The following SVIL variants were observed in gnomAD, a reference collection of about 807,000 sequenced individuals.
SVIL encodes the protein archvillin.
SVIL carries 101 observed loss-of-function variants against 240.4 expected under a neutral mutation model. The ratio of observed to expected loss-of-function variants is 0.42; its 90% CI spans 0.36 to 0.50. The LOEUF is 0.50. SVIL is among the 20% of genes least tolerant of loss of function. SVIL has a pLI of 0.01. For missense variants in SVIL, 2,512 were observed against 2,818.7 expected (o/e 0.89, Z 2.46); for synonymous variants, 999 against 1,100.0 (o/e 0.91, Z 1.82).
At chr10:29,493,075 G>T in intron 21 of SVIL, 139 bp downstream of exon 21, 1 of 1,056,324 alleles carries the variant, frequency 9.5e-7, no homozygotes, top group South Asian at 1.7e-5. Flanking sequence ...CCTTGCCCTG[G>T]CTCTAGAATA....
intron 3 of SVIL, among the ~76,000 whole-genome samples, chr10:29,641,335 C>A (rs572430530): frequency 6.6e-6 from 1 of 152,026 alleles, no homozygotes; most frequent in Non-Finnish European, 1.5e-5. Context: ...CTTTGGAAGG[C>A]GGAGGTGGGA....
At chr10:29,623,004 C>T (rs1357121797) in intron 1 of SVIL, among the ~76,000 whole-genome samples, 1 of 152,068 alleles carries the variant, frequency 6.6e-6, no homozygotes, top group Non-Finnish European at 1.5e-5. Context: ...AAACTGTATC[C>T]AGTGTGTGTG....
At chr10:29,663,758 G>A (rs1959184401) in intron 2 of SVIL, among the ~76,000 whole-genome samples, 1 of 152,170 alleles carries the variant, frequency 6.6e-6, no homozygotes, top group Non-Finnish European at 1.5e-5. Flanking sequence ...GTGTTTCATG[G>A]GCATGAGCCC....
chr10:29,538,375 A>C (rs1006000675), intron 6 of SVIL, among the ~76,000 whole-genome samples: 1 of 152,228 alleles, frequency 6.6e-6, no homozygotes, highest in African/African-American at 2.4e-5. Context: ...CCAGCCAAAA[A>C]CCAAAGGACT....
At chr10:29,522,748 G>A in intron 15 of SVIL, 113 bp from the exon 16 acceptor site, 1 of 1,195,376 alleles carries the variant, frequency 8.4e-7, no homozygotes, top group East Asian at 2.6e-5. Flanking sequence ...CACGGCGGGT[G>A]ACCCAATCCA....
At chr10:29,646,101 A>T (rs1958645734) in intron 3 of SVIL, among the ~76,000 whole-genome samples, 1 of 152,174 alleles carries the variant, frequency 6.6e-6, no homozygotes. Flanking sequence ...AGGATATATT[A>T]AGTGCTCGAT....
chr10:29,559,781 G>A (rs1040629567), intron 3 of SVIL, among the ~76,000 whole-genome samples: 2 of 152,138 alleles, frequency 1.3e-5, no homozygotes, highest in South Asian at 4.1e-4. Context: ...TATTTCTGAT[G>A]GGAGCTGGAG....
At chr10:29,723,375 G>C (rs1214512379) in intron 1 of SVIL, among the ~76,000 whole-genome samples, 1 of 152,198 alleles carries the variant, frequency 6.6e-6, no homozygotes, top group Non-Finnish European at 1.5e-5. Flanking sequence ...GTGAGATCCT[G>C]TCTCAAAAAC....
In SVIL at chr10:29,462,380, G is replaced by T; in HGVS notation, c.6299C>A (p.Ala2100Asp). ...YCKGKNLKKP[A>D]PKSYLIHAGL... Reference sequence around the variant, plus strand: ...AGCGTGGATAAGGTAAGACTTGGGGGCTGGTTTCTTGAGATTTTTTCCTGT... The same window carrying T: ...AGCGTGGATAAGGTAAGACTTGGGGTCTGGTTTCTTGAGATTTTTTCCTGT... Residue 2100 changes from alanine to aspartate, a missense_variant, in exon 36 of 38, where the codon GCC becomes GAC. By Grantham distance (126) the Ala-to-Asp change is moderately radical. Coordinates refer to ENST00000355867, the MANE Select transcript of SVIL (RefSeq NM_021738.3). 1 of 1,614,126 alleles carries T rather than the reference G, an allele frequency of 6.2e-7. No homozygotes were observed. The highest frequency in any genetic ancestry group is 1.1e-5 in the South Asian group (1 of 91,068).
intron 2 of SVIL, among the ~76,000 whole-genome samples, chr10:29,564,075 A>C (rs920218349): frequency 5.3e-4 from 80 of 151,432 alleles, no homozygotes; most frequent in Admixed American, 1.8e-3. Flanking sequence ...GGCCCTCCAC[A>C]CGGCCCTGCA....
At chr10:29,494,275 C>T (rs140728857) in intron 20 of SVIL, among the ~76,000 whole-genome samples, 157 of 152,270 alleles carry the variant, frequency 1.0e-3, no homozygotes, top group African/African-American at 3.5e-3. Context: ...GTAATAAATG[C>T]GTTGCTGACT....
At chr10:29,711,414 C>G (rs556216293) in intron 1 of SVIL, among the ~76,000 whole-genome samples, 37 of 143,158 alleles carry the variant, frequency 2.6e-4, no homozygotes, top group South Asian at 8.6e-4. Context: ...AATAAATAAA[C>G]CTCAAGGGAA....
chr10:29,535,906 G>C, intron 7 of SVIL, 83 bp downstream of exon 7: 1 of 1,376,956 alleles, frequency 7.3e-7, no homozygotes, highest in Non-Finnish European at 1.0e-6. Context: ...GGCAAGAGGA[G>C]AGTGGGTGTT....
rs1467967189 is a variant in SVIL, at chr10:29,532,689, A to G, written c.1678T>C (p.Leu560=). 6.2e-7 allele frequency: 1 copy of G among 1,614,126 alleles called. No homozygotes were observed. The highest frequency in any genetic ancestry group is 1.1e-5 in the South Asian group (1 of 91,082). ...CTGGAAGCTGGGTCCTTATACTTCA[A>G]GGCCTGGAGCTGAGGGGGGCCTGTG... ...DFTGPPQLQA[L]KYKDPASRRE... Residue 560 remains leucine, a synonymous_variant, in exon 8 of 38, where the codon TTG becomes CTG. Transcript: ENST00000355867.
intron 33 of SVIL, among the ~76,000 whole-genome samples, chr10:29,466,600 A>T (rs1479300440): frequency 6.6e-6 from 1 of 152,222 alleles, no homozygotes; most frequent in Non-Finnish European, 1.5e-5. Flanking sequence ...AGAAATAAGA[A>T]ACAACTCAAC....
chr10:29,625,198 G>C (rs979202520), intron 1 of SVIL, among the ~76,000 whole-genome samples: 1 of 152,098 alleles, frequency 6.6e-6, no homozygotes, highest in African/African-American at 2.4e-5. Context: ...TCATCTCAAA[G>C]TCTTCAGTTA....
intron 34 of SVIL, among the ~76,000 whole-genome samples, chr10:29,464,848 G>T (rs1944704528): frequency 9.0e-6 from 1 of 111,438 alleles, no homozygotes; most frequent in African/African-American, 3.5e-5. Context: ...GCTGACCTTG[G>T]CTTCATTGGA....
intron 17 of SVIL, among the ~76,000 whole-genome samples, chr10:29,510,096 G>C (rs999491707): frequency 1.3e-5 from 2 of 151,878 alleles, no homozygotes; most frequent in Non-Finnish European, 2.9e-5. Context: ...GTTTTACCAC[G>C]TTGCCCAAGC....
chr10:29,466,887 T>G (rs916883353), intron 33 of SVIL, among the ~76,000 whole-genome samples: 1 of 152,244 alleles, frequency 6.6e-6, no homozygotes, highest in Non-Finnish European at 1.5e-5. Flanking sequence ...CTAGGCATTA[T>G]GTTTAAAAAG....
Sources: gnomAD v4.1 joint callset for allele counts (sites outside exome capture counted in the v4.1 genomes callset) on GRCh38, gnomAD v4.1.1 for gene constraint, MANE v1.5 for transcripts, NCBI Gene and HGNC (gene_info 2026-07-23, HGNC 2026-07-21) for gene names.